Variants in MLC1 observed in about 807,000 individuals in gnomAD.
MLC1 encodes membrane protein MLC1.
MLC1 carries 32 observed loss-of-function variants against 44.7 expected under a neutral mutation model. The observed-to-expected ratio is 0.72, with a 90% CI of 0.54 to 0.96. MLC1 has a LOEUF of 0.96. Among genes scored for constraint, MLC1 ranks in the 40% least tolerant of loss-of-function variants. The probability of loss-of-function intolerance (pLI) is 0.00; values close to 1 mark genes in which losing one functional copy is unlikely to be tolerated. For synonymous variants in MLC1, 190 were observed against 213.0 expected, an observed-to-expected ratio of 0.89 and a Z score of 0.94; for missense variants, 459 against 492.2, an observed-to-expected ratio of 0.93 and a Z score of 0.64.
At chr22:50,070,620 T>C (rs2061828256) in intron 8 of MLC1, 37 bp from the exon 9 acceptor site, 1 of 1,543,116 alleles carries the variant, frequency 6.5e-7, no homozygotes, top group Non-Finnish European at 8.8e-7. Context: ...TTAGAGGAAA[T>C]AGTCGAAGAA....
intron 11 of MLC1, 133 bp downstream of exon 11, chr22:50,063,899 TCC>T: frequency 1.4e-6 from 1 of 708,240 alleles, no homozygotes; most frequent in Non-Finnish European, 1.9e-6. Flanking sequence ...GCCACTCACC[TCC>T]CCGGCTGGGC....
upstream of MLC1, chr22:50,085,525 TC>T (rs2062259711): frequency 6.1e-6 from 1 of 164,168 alleles, no homozygotes; most frequent in African/African-American, 2.4e-5. Context: ...TAGAAATGTT[TC>T]GTGTTGGTTG....
At chr22:50,067,287 C>T (rs2061722617) in intron 10 of MLC1, among the ~76,000 whole-genome samples, 1 of 149,890 alleles carries the variant, frequency 6.7e-6, no homozygotes, top group Non-Finnish European at 1.5e-5. Flanking sequence ...TGACTCCATG[C>T]CCCCATCAGA....
chr22:50,074,368 G>A lies in MLC1; in HGVS notation c.598-36C>T, dbSNP rs376027110. ...CAGGACAGCATCGGCTCATAAGGAA[G>A]TGGAGACACCCCCAGATTCCCAGAA... On this transcript the variant is annotated intron_variant, in intron 7 of 11. Transcript: ENST00000311597. 1.6e-4 allele frequency: 245 copies of A among 1,539,930 alleles called. No homozygotes were observed. In the Admixed American group the frequency reaches 3.8e-3, roughly 24 times the overall value.
chr22:50,066,441 C>G (rs1205242093), intron 10 of MLC1, among the ~76,000 whole-genome samples: 2 of 152,212 alleles, frequency 1.3e-5, no homozygotes, highest in Admixed American at 1.3e-4. Context: ...AGGCAGATCA[C>G]TTAAGGTCAG....
chr22:50,071,171 C>T (rs925655260), intron 8 of MLC1, among the ~76,000 whole-genome samples: 3 of 151,152 alleles, frequency 2.0e-5, no homozygotes, highest in African/African-American at 4.9e-5. Flanking sequence ...TACGGTGGCG[C>T]GATCTTGACT....
At position 50,077,412 on chromosome 22, in the gene MLC1, TGCA is replaced by T. The variant is rs773821317; in HGVS notation, c.511_513del (p.Cys171del). On this transcript the variant is annotated inframe_deletion, in exon 6 of 12. Coordinates refer to ENST00000311597, the MANE Select transcript of MLC1 (RefSeq NM_015166.4). ...GAAGCTGCACCCACCTTCTTTTTCT[TGCA>T]GTCCTCCTCGCTGGACCGTGCAGCG... is the stretch of plus-strand genomic sequence containing the variant. 29 of 1,613,780 alleles carry T rather than the reference TGCA, an allele frequency of 1.8e-5. No homozygotes were observed. Among genetic ancestry groups the T allele is most frequent in the Non-Finnish European group, 2.4e-5 (28 of 1,179,994 alleles).
intron 9 of MLC1, 69 bp from the exon 10 acceptor site, chr22:50,068,624 G>GCCCGCCCCCCCAGCCCT: frequency 6.6e-7 from 1 of 1,507,162 alleles, no homozygotes; most frequent in Non-Finnish European, 9.2e-7. Context: ...GGCGTGGCCA[G>GCCCGCCCCCCCAGCCCT]GGCTGGGGGG....
intron 5 of MLC1, among the ~76,000 whole-genome samples, chr22:50,079,143 G>C (rs1240422634): frequency 6.6e-6 from 1 of 151,998 alleles, no homozygotes; most frequent in Admixed American, 6.5e-5. Flanking sequence ...AATTAGCCGA[G>C]TGTGGTGGCA....
At chr22:50,067,050 CT>C (rs1435549662) in intron 10 of MLC1, among the ~76,000 whole-genome samples, 2 of 152,138 alleles carry the variant, frequency 1.3e-5, no homozygotes, top group African/African-American at 4.8e-5. Context: ...GAGATGGCCC[CT>C]GGGTGGTAAT....
chr22:50,069,973 G>T (rs1569245008), intron 9 of MLC1, among the ~76,000 whole-genome samples: 1 of 152,082 alleles, frequency 6.6e-6, no homozygotes, highest in Non-Finnish European at 1.5e-5. Flanking sequence ...AGGTTGAGGT[G>T]AGTGGATCAC....
intron 5 of MLC1, among the ~76,000 whole-genome samples, chr22:50,078,969 A>G (rs1163784951): frequency 6.6e-6 from 1 of 151,904 alleles, no homozygotes; most frequent in Non-Finnish European, 1.5e-5. Flanking sequence ...ACCACACCCC[A>G]TCTGCTCTCC....
chr22:50,077,536 C>T, intron 5 of MLC1, 34 bp from the exon 6 acceptor site: 1 of 1,563,134 alleles, frequency 6.4e-7, no homozygotes, highest in South Asian at 1.1e-5. Context: ...AGCACCGGGC[C>T]CGCCTTTCTC....
At chr22:50,067,286 G>GCCCCCATCAGACAGTGACTCCAT (rs1424243396) in intron 10 of MLC1, among the ~76,000 whole-genome samples, 1 of 127,946 alleles carries the variant, frequency 7.8e-6, no homozygotes, top group Non-Finnish European at 1.7e-5. Context: ...GTGACTCCAT[G>GCCCCCATCAGACAGTGACTCCAT]CCCCCATCAG....
intron 10 of MLC1, among the ~76,000 whole-genome samples, chr22:50,065,066 A>C (rs1399811792): frequency 6.6e-6 from 1 of 152,148 alleles, no homozygotes; most frequent in Non-Finnish European, 1.5e-5. Context: ...CTGGGATTAC[A>C]GGTACCCGCC....
At position 50,064,128 on chromosome 22, in the gene MLC1, G is replaced by A. The variant is rs1420704701; in HGVS notation, c.965C>T (p.Thr322Ile). Residue 322 changes from threonine (T) to isoleucine (I), a missense_variant, in exon 11 of 12, where the codon ACC (threonine) becomes ATC (isoleucine). Transcript: ENST00000311597. Reference sequence around the variant, plus strand: ...CTTGAAGCGCACGCACTGGATGGCGGTGCCCGTGTTGAGGCCGGCCTGCAG... The same window carrying A: ...CTTGAAGCGCACGCACTGGATGGCGATGCCCGTGTTGAGGCCGGCCTGCAG... ...LLLQAGLNTG[T>I]AIQCVRFKVS... 5 of 1,609,794 alleles carry A rather than the reference G, an allele frequency of 3.1e-6. 1 individual carries two copies. The South Asian group carries it at 5.5e-5, about 18-fold the overall frequency.
intron 9 of MLC1, among the ~76,000 whole-genome samples, chr22:50,068,988 A>G (rs1231833814): frequency 6.6e-6 from 1 of 151,542 alleles, no homozygotes; most frequent in East Asian, 2.0e-4. Context: ...CGGCCTCCCA[A>G]AGTGCTGTGA....
At chr22:50,076,713 C>T (rs989369516) in intron 7 of MLC1, 128 bp downstream of exon 7, 11 of 910,234 alleles carry the variant, frequency 1.2e-5, no homozygotes, top group African/African-American at 6.5e-5. Flanking sequence ...ACAGATGAGG[C>T]GCACGCCGCC....
chr22:50,080,101 T>C (rs1301726706), intron 4 of MLC1, 82 bp from the exon 5 acceptor site: 2 of 1,194,288 alleles, frequency 1.7e-6, no homozygotes, highest in East Asian at 2.4e-5. Context: ...TTCAGGCCAT[T>C]CACTAAAAAT....
Sources: allele counts gnomAD v4.1 joint callset (sites outside exome capture counted in the v4.1 genomes callset), GRCh38; gene constraint gnomAD v4.1.1; transcripts MANE v1.5; gene names NCBI Gene and HGNC (gene_info 2026-07-23, HGNC 2026-07-21).